FBXO4: variants seen among roughly 807,000 people sequenced by gnomAD.
FBXO4 encodes the protein F-box only protein 4.
In FBXO4, 36 loss-of-function variants were observed where a neutral mutation model predicts 43.7. The observed-to-expected ratio is 0.82, with a 90% confidence interval of 0.63 to 1.09. The LOEUF is 1.09. Among genes scored for constraint, FBXO4 ranks in the 50% least tolerant of loss-of-function variants. The pLI, the probability that FBXO4 is intolerant of heterozygous loss-of-function variation, is 0.00. For synonymous variants in FBXO4, 180 were observed against 165.6 expected, an observed-to-expected ratio of 1.09 and a Z score of -0.67; for missense variants, 435 against 474.1, an observed-to-expected ratio of 0.92 and a Z score of 0.77.
the FBXO4 span, among the ~76,000 whole-genome samples, chr5:41,999,469 ATATATATACAC>A: frequency 4.6e-4 from 17 of 37,102 alleles, no homozygotes; most frequent in African/African-American, 1.2e-3. Context: ...GTGTGTGTAT[ATATATATACAC>A]ATATATATAT....
the FBXO4 span, among the ~76,000 whole-genome samples, chr5:42,000,377 A>G: frequency 1.8e-4 from 27 of 152,202 alleles, no homozygotes; most frequent in Non-Finnish European, 3.2e-4. Flanking sequence ...ATCTAACATA[A>G]AAGTTGAAAT....
chr5:41,995,319 A>G, the FBXO4 span, among the ~76,000 whole-genome samples: 34 of 152,324 alleles, frequency 2.2e-4, no homozygotes, highest in African/African-American at 7.9e-4. Context: ...GTTCATTCCA[A>G]TGAGGATAAA....
At chr5:42,029,167 A>C in the FBXO4 span, among the ~76,000 whole-genome samples, 2 of 152,012 alleles carry the variant, frequency 1.3e-5, no homozygotes, top group Admixed American at 1.3e-4. Flanking sequence ...TTGCCTCAGA[A>C]AGTCTTTATT....
intron 2 of FBXO4, 57 bp from the exon 3 acceptor site, chr5:41,929,640 G>C: frequency 7.8e-7 from 1 of 1,279,230 alleles, no homozygotes; most frequent in South Asian, 1.4e-5. Context: ...ATATATTTTT[G>C]AATGAATAAC....
Position 41,934,277 on chromosome 5 carries a change from C to T in FBXO4, c.867C>T (p.Phe289=). The T allele has an allele frequency of 6.2e-7, 1 of 1,614,100 alleles. No individual in the cohort carries two copies. The highest frequency in any genetic ancestry group is 8.5e-7 in the Non-Finnish European group (1 of 1,180,010). ...AAGTGTGTGAAGTTGTAGATGGGTT[C>T]ATCTATGTTGCAAATGCTGAAGCTC... The part of the protein sequence containing the change: ...IQKVCEVVDG[F]IYVANAEAHK... The change falls in exon 5 of 7, where the codon TTC becomes TTT. Residue 289 remains phenylalanine (F), a synonymous_variant. Transcript: ENST00000281623.
the FBXO4 span, among the ~76,000 whole-genome samples, chr5:42,000,765 T>C: frequency 6.6e-6 from 1 of 152,218 alleles, no homozygotes; most frequent in Non-Finnish European, 1.5e-5. Context: ...CATAGTGTCA[T>C]AAAGATTTGG....
the FBXO4 span, chr5:41,951,672 C>G: frequency 4.7e-6 from 1 of 210,642 alleles, no homozygotes; most frequent in South Asian, 7.7e-5. Flanking sequence ...TGGCCACCAT[C>G]CACCACATCA....
the FBXO4 span, among the ~76,000 whole-genome samples, chr5:41,955,093 A>G: frequency 5.3e-5 from 8 of 152,216 alleles, no homozygotes; most frequent in Non-Finnish European, 1.0e-4. Flanking sequence ...GAATTTTACA[A>G]AGGGCTAAAG....
At position 41,927,047 on chromosome 5, in the gene FBXO4, C is replaced by A; in HGVS notation, c.224C>A (p.Ser75Ter). 6.2e-7 allele frequency: 1 copy of A among 1,611,948 alleles called. No individual in the cohort carries two copies. Among genetic ancestry groups the A allele is most frequent in the Non-Finnish European group, 8.5e-7 (1 of 1,179,356 alleles). ...CAGCTATATATTTTGTCCTTTCTTT[C>A]ACCTCATGATCTGTGTCAGTTGGGA... Reference protein sequence around the residue: ...DVQLYILSFLSPHDLCQLGST... With the variant: ...DVQLYILSFL Residue 75 changes from serine (S) to a stop codon, truncating the protein, a stop_gained, in exon 2 of 7, where the codon TCA (serine) becomes TAA (stop). Coordinates refer to ENST00000281623, the MANE Select transcript of FBXO4 (RefSeq NM_012176.3). LOFTEE classifies it high-confidence loss of function.
chr5:41,933,803 G>T, intron 3 of FBXO4, 143 bp from the exon 4 acceptor site: 1 of 622,118 alleles, frequency 1.6e-6, no homozygotes, highest in South Asian at 2.2e-5. Flanking sequence ...TTTCTTCAAC[G>T]TATACATTTT....
the FBXO4 span, among the ~76,000 whole-genome samples, chr5:41,989,778 A>G: frequency 1.3e-5 from 2 of 152,290 alleles, no homozygotes; most frequent in Non-Finnish European, 2.9e-5. Context: ...CTCCTTATTC[A>G]TCCTAGTTCA....
chr5:41,993,283 G>A, the FBXO4 span, among the ~76,000 whole-genome samples: 1 of 152,028 alleles, frequency 6.6e-6, no homozygotes, highest in African/African-American at 2.4e-5. Context: ...ATTTCTGCAT[G>A]AAGTACTTAA....
At chr5:42,020,237 G>C in the FBXO4 span, among the ~76,000 whole-genome samples, 1 of 152,108 alleles carries the variant, frequency 6.6e-6, no homozygotes, top group Admixed American at 6.6e-5. Flanking sequence ...TTATTTACGG[G>C]ATAGTAATCT....
At chr5:41,949,868 T>G in the FBXO4 span, among the ~76,000 whole-genome samples, 1 of 152,070 alleles carries the variant, frequency 6.6e-6, no homozygotes, top group Non-Finnish European at 1.5e-5. Context: ...AAAACAGATA[T>G]ATAGACCAAT....
the FBXO4 span, among the ~76,000 whole-genome samples, chr5:41,979,207 C>G: frequency 1.3e-5 from 2 of 152,192 alleles, no homozygotes; most frequent in Non-Finnish European, 2.9e-5. Flanking sequence ...GCCATCCAGA[C>G]AACCATAGGT....
chr5:42,014,546 C>G, the FBXO4 span, among the ~76,000 whole-genome samples: 1 of 152,156 alleles, frequency 6.6e-6, no homozygotes, highest in East Asian at 1.9e-4. Context: ...CTGCCATTTG[C>G]CAATACTAGA....
the FBXO4 span, among the ~76,000 whole-genome samples, chr5:41,973,374 T>C: frequency 6.6e-6 from 1 of 152,260 alleles, no homozygotes; most frequent in Non-Finnish European, 1.5e-5. Context: ...TGAGATATTA[T>C]CTCACAACAA....
At chr5:41,970,283 C>A in the FBXO4 span, among the ~76,000 whole-genome samples, 3 of 151,986 alleles carry the variant, frequency 2.0e-5, no homozygotes, top group East Asian at 5.8e-4. Context: ...TTGTATATAT[C>A]TTTACCTTGG....
the FBXO4 span, among the ~76,000 whole-genome samples, chr5:41,958,989 G>A: frequency 6.6e-6 from 1 of 152,158 alleles, no homozygotes; most frequent in African/African-American, 2.4e-5. Flanking sequence ...TTTTCATAAT[G>A]ACTGTACTAA....
Sources: gnomAD v4.1 joint callset for allele counts (sites outside exome capture counted in the v4.1 genomes callset) on GRCh38, gnomAD v4.1.1 for gene constraint, MANE v1.5 for transcripts, NCBI Gene and HGNC (gene_info 2026-07-23, HGNC 2026-07-21) for gene names.